The following SUGP2 variants were observed in gnomAD, a reference collection of about 807,000 sequenced individuals.
The protein encoded by SUGP2 is SURP and G-patch domain-containing protein 2.
A neutral mutation model predicts 90.5 loss-of-function variants in SUGP2; 24 were observed. The ratio of observed to expected loss-of-function variants is 0.27; its 90% CI spans 0.19 to 0.37. SUGP2 has a LOEUF of 0.37. Among genes scored for constraint, SUGP2 ranks in the 10% least tolerant of loss-of-function variants. The probability of loss-of-function intolerance (pLI) is 1.00; values close to 1 mark genes in which losing one functional copy is unlikely to be tolerated. For synonymous variants in SUGP2, 473 were observed against 513.4 expected (o/e 0.92, Z 1.06); for missense variants, 1,233 against 1,363.3 (o/e 0.90, Z 1.51).
chr19:19,005,052 A>G (rs56141206), intron 6 of SUGP2, among the ~76,000 whole-genome samples: 9,358 of 152,240 alleles, frequency 0.061, 372 homozygotes, highest in Middle Eastern at 0.15. Context: ...CGATGCCAGG[A>G]GGAGCTGCAC....
At chr19:18,996,562 T>TC (rs1042657518) in intron 8 of SUGP2, among the ~76,000 whole-genome samples, 4 of 152,252 alleles carry the variant, frequency 2.6e-5, no homozygotes, top group African/African-American at 7.2e-5. Flanking sequence ...TTGATGTTTT[T>TC]TTTTTTTTAA....
At chr19:19,011,974 G>A (rs932671333) in intron 4 of SUGP2, among the ~76,000 whole-genome samples, 3 of 152,196 alleles carry the variant, frequency 2.0e-5, no homozygotes, top group African/African-American at 7.2e-5. Flanking sequence ...TTGATATTAA[G>A]TAGCGACATA....
At chr19:19,008,538 C>T in intron 5 of SUGP2, 110 bp from the exon 6 acceptor site, 1 of 855,784 alleles carries the variant, frequency 1.2e-6, no homozygotes, top group South Asian at 1.4e-5. Context: ...TGTCCCCTCC[C>T]TGTAGCCTTG....
rs201405749 is a variant in SUGP2 at position 19,031,010 on chromosome 19, C to T, written c.62G>A (p.Arg21Gln). 285 of 1,613,932 alleles carry T rather than the reference C, an allele frequency of 1.8e-4. No individual in the cohort carries two copies. The Admixed American group carries it at 3.3e-3, about 19-fold the overall frequency. ...CTCACCACTGGCATCCATGTGATAT[C>T]GTTTGGCTTTTTCTTGTAATACAGC... ...FDAVLQEKAKRYHMDASGEAV... is the reference protein window; with the variant it reads ...FDAVLQEKAKQYHMDASGEAV... The change falls in exon 2 of 11, where the codon CGA (arginine) becomes CAA (glutamine). Residue 21 changes from arginine (R) to glutamine (Q), a missense_variant. Physicochemically the swap from Arg to Gln is conservative, Grantham distance 43. This residue lies in a region of SUGP2 where 418 missense variants were observed against 399.9 expected (regional missense o/e 1.05). Coordinates refer to ENST00000452918, the MANE Select transcript of SUGP2 (RefSeq NM_001017392.5).
intron 8 of SUGP2, among the ~76,000 whole-genome samples, chr19:18,999,775 T>C (rs1299394824): frequency 6.6e-6 from 1 of 152,212 alleles, no homozygotes; most frequent in African/African-American, 2.4e-5. Context: ...TCTCCACATG[T>C]GTCCCAGGTG....
chr19:19,009,036 C>T (rs1007599528), intron 5 of SUGP2, among the ~76,000 whole-genome samples: 4 of 152,132 alleles, frequency 2.6e-5, no homozygotes, highest in East Asian at 1.9e-4. Flanking sequence ...CTCAGCCTCC[C>T]GAGTAGCTGG....
At chr19:19,031,260 G>A (rs1568472499) in intron 1 of SUGP2, among the ~76,000 whole-genome samples, 178 bp from the exon 2 acceptor site, 1 of 152,114 alleles carries the variant, frequency 6.6e-6, no homozygotes, top group African/African-American at 2.4e-5. Context: ...CAGGCTGGGT[G>A]TGGTGGCTCA....
At chr19:19,020,450 A>T (rs1325918979) in intron 3 of SUGP2, among the ~76,000 whole-genome samples, 78 of 138,764 alleles carry the variant, frequency 5.6e-4, no homozygotes, top group Non-Finnish European at 1.1e-3. Context: ...AAAAAGGCAA[A>T]TTTTTTTTTT....
chr19:19,017,228 A>G (rs1281528254), intron 4 of SUGP2, among the ~76,000 whole-genome samples: 2 of 152,210 alleles, frequency 1.3e-5, no homozygotes, highest in Non-Finnish European at 2.9e-5. Flanking sequence ...ACACCTACAG[A>G]GTAGCAGTGA....
At position 18,993,449 on chromosome 19, in the gene SUGP2, G is replaced by A. The variant is rs2057445531; in HGVS notation, c.*292C>T. On this transcript the variant is annotated 3_prime_UTR_variant, in exon 11 of 11. Transcript: ENST00000452918. ...GCACTCACAGGCTGAGGTGCCTTTC[G>A]GGGGCAGCGCCACCTTCTGAAGGGG... 1 of 152,244 alleles carries A rather than the reference G, an allele frequency of 6.6e-6. No individual in the cohort carries two copies. The highest frequency in any genetic ancestry group is 2.1e-4 in the South Asian group (1 of 4,824). 9.4% of individuals were successfully genotyped at this position (152,244 alleles called of 1,614,324 possible).
At position 19,026,084 on chromosome 19, in the gene SUGP2, A is replaced by G. The variant is rs1243507250; in HGVS notation, c.264T>C (p.Pro88=). 6.2e-7 allele frequency: 1 copy of G among 1,614,148 alleles called. No homozygotes were observed. Among genetic ancestry groups the G allele is most frequent in the South Asian group, 1.1e-5 (1 of 91,080 alleles). The change falls in exon 3 of 11, where the codon CCT becomes CCC. Residue 88 remains proline, a synonymous_variant. Transcript: ENST00000452918. ...EGLRSDVFPG[P]SFRSSNPSIS... ...TGGAAGGGTTGCTTGATCTGAAGGA[A>G]GGCCCTGGAAATACGTCACTTCTCA...
chr19:19,031,360 CCT>C (rs903201651), intron 1 of SUGP2, among the ~76,000 whole-genome samples: 5 of 152,012 alleles, frequency 3.3e-5, no homozygotes, highest in Admixed American at 3.3e-4. Context: ...ATGGCAAAAC[CCT>C]GTCTCTACTA....
rs1324960129 is a variant in SUGP2, at chr19:19,003,597, G to A, written c.2929+571C>T. On this transcript the variant is annotated intron_variant, in intron 7 of 10. Coordinates refer to ENST00000452918, the MANE Select transcript of SUGP2 (RefSeq NM_001017392.5). ...CAGGCTTCAGCTCTGCTGTACTGGT[G>A]GGTTCTCGCCTCTGCACAGTCAACA... The A allele has an allele frequency of 2.0e-5, 3 of 152,422 alleles. No individual in the cohort carries two copies. The East Asian group carries it at 5.8e-4, about 29-fold the overall frequency. The allele number at this position is 152,422 out of a possible 1,614,324, so 9.4% of individuals were successfully genotyped here.
chr19:19,004,153 C>T lies in SUGP2; in HGVS notation c.2929+15G>A, dbSNP rs747894869. 1.0e-5 allele frequency: 16 copies of T among 1,527,148 alleles called. No individual in the cohort carries two copies. Among genetic ancestry groups the T allele is most frequent in the African/African-American group, 1.4e-5 (1 of 72,226 alleles). 94.6% of individuals were successfully genotyped at this position (1,527,148 alleles called of 1,614,324 possible). A position where few individuals can be genotyped will look rare whatever the true frequency, so the allele number is the denominator to read the frequency against. ...ACTGTGCTAGAGGCAACTGTGCCGA[C>T]AGGCGGGCACTCACCTTTTGGCTCC... On this transcript the variant is annotated intron_variant, in intron 7 of 10. Coordinates refer to ENST00000452918, the MANE Select transcript of SUGP2 (RefSeq NM_001017392.5).
At position 19,022,136 on chromosome 19, in the gene SUGP2, C is replaced by G. The variant is rs536515462; in HGVS notation, c.1729+2483G>C. Among the ~76,000 whole-genome samples the G allele has an allele frequency of 5.4e-3, 825 of 152,230 alleles. 9 individuals are homozygous for G. Among genetic ancestry groups the G allele is most frequent in the Middle Eastern group, 0.02 (6 of 294 alleles). Reference sequence around the variant, plus strand: ...AGTAGCTGGGACTACAGGCACATGCCACCACGCCCGACTAATTTTTTGTAT... The same window carrying G: ...AGTAGCTGGGACTACAGGCACATGCGACCACGCCCGACTAATTTTTTGTAT... On this transcript the variant is annotated intron_variant, in intron 3 of 10. Transcript: ENST00000452918.
intron 10 of SUGP2, 170 bp downstream of exon 10, chr19:18,994,196 G>T: frequency 1.1e-6 from 1 of 884,744 alleles, no homozygotes; most frequent in Non-Finnish European, 1.7e-6. Context: ...TAAGAATGGG[G>T]CATATCCACA....
intron 2 of SUGP2, among the ~76,000 whole-genome samples, chr19:19,026,790 A>G (rs929318538): frequency 6.6e-6 from 1 of 152,066 alleles, no homozygotes; most frequent in African/African-American, 2.4e-5. Flanking sequence ...AGCTAACACC[A>G]CACCCACCAC....
rs371278282 is a variant in SUGP2 at position 19,026,252 on chromosome 19, A to G, written c.122-26T>C. On this transcript the variant is annotated intron_variant, in intron 2 of 10. Coordinates refer to ENST00000452918, the MANE Select transcript of SUGP2 (RefSeq NM_001017392.5). ...CTGAAATAAACCATCCAAAAAAAAAAAAGAAGAAGCCAAAAGATACTTTAG... is the reference window on the plus strand; with the variant it reads ...CTGAAATAAACCATCCAAAAAAAAAGAAGAAGAAGCCAAAAGATACTTTAG... 342 of 1,491,816 alleles carry G rather than the reference A, an allele frequency of 2.3e-4. 1 individual carries two copies. The highest frequency in any genetic ancestry group is 2.7e-4 in the Non-Finnish European group (307 of 1,127,108). The allele number at this position is 1,491,816 out of a possible 1,614,324, so 92.4% of individuals were successfully genotyped here.
intron 1 of SUGP2, among the ~76,000 whole-genome samples, chr19:19,031,842 T>TA (rs397970526): frequency 3.3e-5 from 5 of 150,554 alleles, no homozygotes; most frequent in South Asian, 2.1e-4. Flanking sequence ...TTTTTTTTTT[T>TA]AAGTAGAGAC....
Sources: allele counts gnomAD v4.1 joint callset (sites outside exome capture counted in the v4.1 genomes callset), GRCh38; gene constraint gnomAD v4.1.1; regional missense constraint gnomAD v4.1.1; transcripts MANE v1.5; gene names NCBI Gene and HGNC (gene_info 2026-07-23, HGNC 2026-07-21).